GPHN: variants seen among roughly 807,000 people sequenced by gnomAD.
The protein encoded by GPHN is gephyrin.
In GPHN, 17 loss-of-function variants were observed where a neutral mutation model predicts 95.5. That is an observed-to-expected ratio of 0.18 (90% CI 0.12 to 0.27). The LOEUF is 0.27. GPHN is among the 10% of genes least tolerant of loss of function. GPHN has a pLI of 1.00. For missense variants in GPHN, 660 were observed against 978.1 expected, an observed-to-expected ratio of 0.67 and a Z score of 4.34; for synonymous variants, 320 against 322.5, an observed-to-expected ratio of 0.99 and a Z score of 0.08.
chr14:66,953,642 T>C (rs2068275119), intron 8 of GPHN, among the ~76,000 whole-genome samples: 1 of 152,168 alleles, frequency 6.6e-6, no homozygotes, highest in Non-Finnish European at 1.5e-5. Context: ...AAGTTAGGAG[T>C]GCTTATTTCT....
At chr14:66,601,041 C>A (rs1369647997) in intron 1 of GPHN, among the ~76,000 whole-genome samples, 2 of 151,898 alleles carry the variant, frequency 1.3e-5, no homozygotes, top group Non-Finnish European at 2.9e-5. Flanking sequence ...TCATAGCAAT[C>A]CTATGAGGTA....
At chr14:67,128,545 TG>T (rs1022606039) in intron 17 of GPHN, among the ~76,000 whole-genome samples, 2 of 152,200 alleles carry the variant, frequency 1.3e-5, no homozygotes, top group Non-Finnish European at 2.9e-5. Flanking sequence ...ATATGGTATA[TG>T]CATGGGAAGG....
chr14:66,772,008 A>G (rs942725575), intron 2 of GPHN, among the ~76,000 whole-genome samples: 4 of 152,122 alleles, frequency 2.6e-5, no homozygotes, highest in Non-Finnish European at 4.4e-5. Flanking sequence ...AATAACTATT[A>G]CAACTACTGA....
the GPHN span, among the ~76,000 whole-genome samples, chr14:67,284,335 C>T: frequency 1.3e-5 from 2 of 150,154 alleles, no homozygotes; most frequent in African/African-American, 2.5e-5. Context: ...TGGTGGTTCA[C>T]GCCCGTATTA....
intron 1 of GPHN, among the ~76,000 whole-genome samples, chr14:66,600,940 A>C (rs978889537): frequency 6.6e-6 from 1 of 152,034 alleles, no homozygotes; most frequent in African/African-American, 2.4e-5. Flanking sequence ...GATACAAATA[A>C]ATTTTATTGA....
At chr14:67,501,047 A>G in the GPHN span, among the ~76,000 whole-genome samples, 2 of 81,050 alleles carry the variant, frequency 2.5e-5, no homozygotes, top group African/African-American at 9.7e-5. Flanking sequence ...TTGGGGGTTA[A>G]TAATAATAAT....
At chr14:67,323,036 T>C in the GPHN span, among the ~76,000 whole-genome samples, 2 of 152,176 alleles carry the variant, frequency 1.3e-5, no homozygotes. Context: ...TTCTAATTGC[T>C]CCAAAATTGA....
intron 4 of GPHN, among the ~76,000 whole-genome samples, chr14:66,828,165 A>G (rs1286689654): frequency 6.6e-6 from 1 of 151,874 alleles, no homozygotes; most frequent in Non-Finnish European, 1.5e-5. Flanking sequence ...TACATATGAT[A>G]TGAATATCTA....
chr14:67,088,906 A>C, intron 11 of GPHN, 77 bp from the exon 12 acceptor site: 2 of 811,654 alleles, frequency 2.5e-6, no homozygotes, highest in Middle Eastern at 2.2e-4. Context: ...ACAAGCACTC[A>C]TGCCCATCTT....
intron 21 of GPHN, among the ~76,000 whole-genome samples, chr14:67,175,797 C>G (rs146323883): frequency 0.017 from 2,611 of 152,206 alleles, 87 homozygotes; most frequent in African/African-American, 0.06. Context: ...CCTTCACATC[C>G]CTTGTAAGTT....
chr14:67,136,363 A>G (rs181630462), intron 17 of GPHN, among the ~76,000 whole-genome samples: 2 of 152,340 alleles, frequency 1.3e-5, no homozygotes, highest in East Asian at 3.9e-4. Flanking sequence ...ATTAAAGTAC[A>G]AAAAATAAAC....
At chr14:67,718,237 T>A in the GPHN span, among the ~76,000 whole-genome samples, 1 of 152,124 alleles carries the variant, frequency 6.6e-6, no homozygotes, top group African/African-American at 2.4e-5. Context: ...AAAGATGGAA[T>A]CTGTCATCTC....
chr14:66,943,891 G>A (rs1027217529), intron 8 of GPHN, among the ~76,000 whole-genome samples: 2 of 152,078 alleles, frequency 1.3e-5, no homozygotes, highest in South Asian at 2.1e-4. Context: ...TAATAAACAG[G>A]CATAGATGGG....
intron 8 of GPHN, among the ~76,000 whole-genome samples, chr14:66,959,930 T>C (rs2153583998): frequency 6.6e-6 from 1 of 152,194 alleles, no homozygotes; most frequent in Admixed American, 6.5e-5. Context: ...ATTTAAGCCA[T>C]GTTGTTATTT....
intron 9 of GPHN, among the ~76,000 whole-genome samples, chr14:67,008,675 G>A (rs2072776022): frequency 6.6e-6 from 1 of 151,806 alleles, no homozygotes; most frequent in Admixed American, 6.6e-5. Context: ...TTCCCAGATA[G>A]CTGGGACTAC....
At chr14:66,839,519 T>C (rs374116551) in intron 4 of GPHN, among the ~76,000 whole-genome samples, 9 of 152,324 alleles carry the variant, frequency 5.9e-5, no homozygotes, top group African/African-American at 1.7e-4. Context: ...AATGCAGTTT[T>C]ACAAAATTTT....
At chr14:67,692,476 G>A in the GPHN span, 13 of 1,614,032 alleles carry the variant, frequency 8.1e-6, no homozygotes, top group Non-Finnish European at 1.1e-5. Context: ...AATAGACTTA[G>A]TATCAGACAG....
At chr14:67,499,091 C>T in the GPHN span, among the ~76,000 whole-genome samples, 1 of 152,102 alleles carries the variant, frequency 6.6e-6, no homozygotes, top group African/African-American at 2.4e-5. Flanking sequence ...TAAACTCAAA[C>T]TCCTGGGTTC....
At chr14:67,375,064 A>G in the GPHN span, among the ~76,000 whole-genome samples, 1 of 152,220 alleles carries the variant, frequency 6.6e-6, no homozygotes, top group Non-Finnish European at 1.5e-5. Context: ...CCCCTCCACT[A>G]GCGTGTTAGG....
Sources: gnomAD v4.1 joint callset for allele counts (sites outside exome capture counted in the v4.1 genomes callset) on GRCh38, gnomAD v4.1.1 for gene constraint, MANE v1.5 for transcripts, NCBI Gene and HGNC (gene_info 2026-07-23, HGNC 2026-07-21) for gene names.